The following ANXA8 variants were observed in gnomAD, a reference collection of about 807,000 sequenced individuals.
The protein encoded by ANXA8 is annexin A8.
ANXA8 carries 9 observed loss-of-function variants against 26.8 expected under a neutral mutation model. The observed-to-expected ratio is 0.34, with a 90% CI of 0.20 to 0.59. The LOEUF is 0.59. Ranked by LOEUF, ANXA8 falls within the 20% of genes least tolerant of loss-of-function variation. The pLI is 0.84. For missense variants in ANXA8, 83 were observed against 238.5 expected, an observed-to-expected ratio of 0.35 and a Z score of 4.29; for synonymous variants, 39 against 94.8, an observed-to-expected ratio of 0.41 and a Z score of 3.42.
chr10:47,511,218 C>T, the ANXA8 span, among the ~76,000 whole-genome samples: 1 of 140,794 alleles, frequency 7.1e-6, no homozygotes, highest in Non-Finnish European at 1.5e-5. Flanking sequence ...ACTGGGATTA[C>T]AGGCGTGAGC....
At chr10:47,632,266 AT>A in the ANXA8 span, among the ~76,000 whole-genome samples, 1 of 150,386 alleles carries the variant, frequency 6.6e-6, no homozygotes, top group African/African-American at 2.5e-5. Flanking sequence ...AAGAAAAATA[AT>A]GTGACACTTT....
the ANXA8 span, among the ~76,000 whole-genome samples, chr10:47,626,167 G>T: frequency 1.3e-5 from 2 of 150,178 alleles, no homozygotes; most frequent in Admixed American, 6.6e-5. Context: ...GGGTCAAATG[G>T]CAGTTAATAG....
the ANXA8 span, among the ~76,000 whole-genome samples, chr10:47,975,560 C>A: frequency 6.6e-6 from 1 of 150,378 alleles, no homozygotes; most frequent in South Asian, 2.1e-4. Flanking sequence ...TTCCTGAGTA[C>A]AAATTCCGCT....
chr10:47,600,482 C>T, the ANXA8 span, among the ~76,000 whole-genome samples: 1 of 148,798 alleles, frequency 6.7e-6, no homozygotes, highest in Admixed American at 6.6e-5. Context: ...TTTGCCCTGT[C>T]GGGATGTTGC....
the ANXA8 span, among the ~76,000 whole-genome samples, chr10:47,551,461 G>C: frequency 6.6e-6 from 1 of 151,474 alleles, no homozygotes; most frequent in Non-Finnish European, 1.5e-5. Flanking sequence ...TATCCAGAGG[G>C]AAAAAGCACA....
chr10:47,500,306 C>A, the ANXA8 span, among the ~76,000 whole-genome samples: 7 of 137,310 alleles, frequency 5.1e-5, no homozygotes, highest in Non-Finnish European at 1.1e-4. Flanking sequence ...TCCTGTATAT[C>A]CAAATGATGA....
At chr10:47,953,902 G>A in the ANXA8 span, among the ~76,000 whole-genome samples, 2 of 150,146 alleles carry the variant, frequency 1.3e-5, 1 homozygote, top group South Asian at 4.2e-4. Context: ...AAATGTTGGT[G>A]AGGATGTGGA....
At chr10:47,772,081 C>G in the ANXA8 span, among the ~76,000 whole-genome samples, 1 of 151,562 alleles carries the variant, frequency 6.6e-6, no homozygotes, top group Non-Finnish European at 1.5e-5. Flanking sequence ...TGCTGCCAAA[C>G]CATGAAGCCA....
At chr10:47,946,191 T>C in the ANXA8 span, among the ~76,000 whole-genome samples, 1 of 148,442 alleles carries the variant, frequency 6.7e-6, no homozygotes, top group African/African-American at 2.6e-5. Flanking sequence ...TCTTTAATTA[T>C]TTGAATGCTA....
At chr10:47,721,039 T>C in the ANXA8 span, among the ~76,000 whole-genome samples, 2 of 139,750 alleles carry the variant, frequency 1.4e-5, 1 homozygote, top group South Asian at 4.5e-4. Flanking sequence ...CCCAGCTACT[T>C]GGGAGGCTGA....
chr10:47,486,792 A>G (rs1227953849), upstream of ANXA8, among the ~76,000 whole-genome samples: 6 of 135,070 alleles, frequency 4.4e-5, no homozygotes, highest in Non-Finnish European at 8.0e-5. Flanking sequence ...TCTACTAAAA[A>G]TAAAAACAAT....
At chr10:47,626,809 G>C in the ANXA8 span, among the ~76,000 whole-genome samples, 1 of 150,202 alleles carries the variant, frequency 6.7e-6, no homozygotes, top group Non-Finnish European at 1.5e-5. Flanking sequence ...GGTAATCAGA[G>C]GAAGGAAGAG....
the ANXA8 span, among the ~76,000 whole-genome samples, chr10:47,735,249 A>T: frequency 7.2e-6 from 1 of 139,756 alleles, no homozygotes; most frequent in African/African-American, 2.7e-5. Context: ...ATAAGGGCAG[A>T]CCACAACAAC....
intron 11 of ANXA8, among the ~76,000 whole-genome samples, chr10:47,470,148 A>G (rs1342130068): frequency 3.3e-5 from 5 of 151,812 alleles, no homozygotes; most frequent in Non-Finnish European, 5.9e-5. Context: ...GTGTTTATAC[A>G]TTTGCCTCTT....
At chr10:47,733,202 T>TC in the ANXA8 span, among the ~76,000 whole-genome samples, 11 of 102,106 alleles carry the variant, frequency 1.1e-4, no homozygotes, top group Non-Finnish European at 1.6e-4. Flanking sequence ...TCTTTCTTTC[T>TC]TTCTTTCTTT....
chr10:47,973,986 GATTC>G, the ANXA8 span, among the ~76,000 whole-genome samples: 1 of 150,738 alleles, frequency 6.6e-6, no homozygotes, highest in African/African-American at 2.4e-5. Flanking sequence ...GTCTCTTCCT[GATTC>G]AATCTTGGGA....
At chr10:47,660,310 C>T in the ANXA8 span, among the ~76,000 whole-genome samples, 3 of 147,740 alleles carry the variant, frequency 2.0e-5, no homozygotes, top group East Asian at 1.9e-4. Context: ...ACATTGTGAA[C>T]GAATGTTGGG....
the ANXA8 span, among the ~76,000 whole-genome samples, chr10:47,655,398 G>A: frequency 6.6e-6 from 1 of 151,682 alleles, no homozygotes; most frequent in African/African-American, 2.4e-5. Context: ...GCCTGGGTGA[G>A]CACACAATTG....
the ANXA8 span, among the ~76,000 whole-genome samples, chr10:47,968,804 C>T: frequency 6.7e-6 from 1 of 149,168 alleles, no homozygotes; most frequent in East Asian, 1.9e-4. Context: ...ATTTCAGTCA[C>T]CATTAAAAGG....
Sources: allele counts gnomAD v4.1 joint callset (sites outside exome capture counted in the v4.1 genomes callset), GRCh38; gene constraint gnomAD v4.1.1; transcripts MANE v1.5; gene names NCBI Gene and HGNC (gene_info 2026-07-23, HGNC 2026-07-21).